The following NDP variants were observed in gnomAD, a reference collection of about 807,000 sequenced individuals.
NDP encodes norrin.
Under a neutral mutation model 8.4 loss-of-function variants are expected in NDP, and 2 were observed. The ratio of observed to expected loss-of-function variants is 0.24; its 90% confidence interval spans 0.10 to 0.75. The LOEUF (loss-of-function observed/expected upper bound fraction) is 0.75. Among genes scored for constraint, NDP ranks in the 30% least tolerant of loss-of-function variants. The pLI is 0.73. For missense variants in NDP, 81 were observed against 110.1 expected (o/e 0.74, Z 1.18); for synonymous variants, 55 against 45.6 (o/e 1.21, Z -0.83).
chrX:43,960,375 T>C (rs771565647), intron 1 of NDP, among the ~76,000 whole-genome samples: 2 of 112,050 alleles, frequency 1.8e-5, no homozygotes, highest in South Asian at 7.5e-4. Flanking sequence ...TTGATAACTA[T>C]GGATTCAGTT....
intron 2 of NDP, among the ~76,000 whole-genome samples, chrX:43,952,532 C>T (rs1245592078): frequency 1.8e-5 from 2 of 112,030 alleles, no homozygotes; most frequent in Non-Finnish European, 3.8e-5. Context: ...GTGAACCAAA[C>T]GTAGGCCTAA....
chrX:43,952,002 A>G (rs1379258281), intron 2 of NDP, among the ~76,000 whole-genome samples: 1 of 111,490 alleles, frequency 9.0e-6, no homozygotes, highest in East Asian at 2.8e-4. Context: ...GTTTTTAGAG[A>G]CAGAGTCTTG....
At chrX:43,962,627 A>T (rs1409745166) in intron 1 of NDP, among the ~76,000 whole-genome samples, 27 of 112,090 alleles carry the variant, frequency 2.4e-4, no homozygotes, top group Non-Finnish European at 5.6e-5. Flanking sequence ...ACGAAGACTT[A>T]GAACCTTGGC....
chrX:43,969,824 G>C (rs2035881989), intron 1 of NDP, among the ~76,000 whole-genome samples: 1 of 111,744 alleles, frequency 8.9e-6, no homozygotes, highest in Non-Finnish European at 1.9e-5. Flanking sequence ...TCAGGCGAAG[G>C]GAAAAGGGGG....
chrX:43,960,011 C>A (rs7054474), intron 1 of NDP, among the ~76,000 whole-genome samples: 1 of 112,027 alleles, frequency 8.9e-6, no homozygotes, highest in Non-Finnish European at 1.9e-5. Flanking sequence ...TTATTTTGCA[C>A]TAATAGAATG....
Position 43,949,577 on chromosome X carries a change from A to G in NDP, c.*222T>C, listed in dbSNP as rs1030222239. 34 of 428,583 alleles carry G rather than the reference A, an allele frequency of 7.9e-5. No individual in the cohort carries two copies. The highest frequency in any genetic ancestry group is 1.2e-4 in the Admixed American group (3 of 24,975). The allele number at this position is 428,583 out of a possible 1,213,427, so 35.3% of individuals were successfully genotyped here. On this transcript the variant is annotated 3_prime_UTR_variant, in exon 3 of 3. Transcript: ENST00000642620. ...AATGCCTGAATCTGAAAATGAACCA[A>G]AAGAAATTGTACCAGAGAAAGGAGA... is the stretch of plus-strand genomic sequence containing the variant.
rs200943077 is a variant in NDP, at chrX:43,954,989, TC to T, written c.174+3482del. 5.0e-4 allele frequency among the ~76,000 whole-genome samples: 55 copies of T among 110,518 alleles called. No homozygotes were observed. The East Asian group carries it at 0.015, about 30-fold the overall frequency. On this transcript the variant is annotated intron_variant, in intron 2 of 2. Coordinates refer to ENST00000642620, the MANE Select transcript of NDP (RefSeq NM_000266.4). Reference sequence around the variant, plus strand: ...CTCCCTGGCCCAAGTCCAAAACTCATCCCCCTCCAGCCCCTCCTTCCTCCAC... The same window carrying T: ...CTCCCTGGCCCAAGTCCAAAACTCATCCCCTCCAGCCCCTCCTTCCTCCAC...
chrX:43,956,206 C>G (rs1300864152), intron 2 of NDP, among the ~76,000 whole-genome samples: 6 of 112,034 alleles, frequency 5.4e-5, no homozygotes, highest in Non-Finnish European at 1.1e-4. Context: ...CAGGTACACT[C>G]CCTTCCCTGA....
chrX:43,964,112 G>A (rs1465046048), intron 1 of NDP, among the ~76,000 whole-genome samples: 1 of 111,618 alleles, frequency 9.0e-6, no homozygotes, highest in Non-Finnish European at 1.9e-5. Flanking sequence ...AGCAATGACC[G>A]TCCCCAGAGT....
chrX:43,962,170 C>T (rs1366796068), intron 1 of NDP, among the ~76,000 whole-genome samples: 1 of 111,036 alleles, frequency 9.0e-6, no homozygotes, highest in Admixed American at 9.6e-5. Flanking sequence ...ATCTTAAATT[C>T]TGAAATAAGA....
chrX:43,956,195 G>A (rs2035791947), intron 2 of NDP, among the ~76,000 whole-genome samples: 1 of 111,965 alleles, frequency 8.9e-6, no homozygotes, highest in African/African-American at 3.2e-5. Flanking sequence ...AGGTGTTCAA[G>A]CAGGTACACT....
chrX:43,959,493 C>T (rs748684667), intron 1 of NDP, among the ~76,000 whole-genome samples: 4 of 112,449 alleles, frequency 3.6e-5, no homozygotes, highest in Admixed American at 2.8e-4. Flanking sequence ...AGGTATCACA[C>T]GCGTATTTGC....
At chrX:43,952,669 C>T (rs1269054079) in intron 2 of NDP, among the ~76,000 whole-genome samples, 4 of 112,100 alleles carry the variant, frequency 3.6e-5, no homozygotes, top group African/African-American at 9.7e-5. Context: ...CCCCAGCCCA[C>T]TCTGAAGGAC....
intron 2 of NDP, among the ~76,000 whole-genome samples, chrX:43,957,538 A>T (rs949915350): frequency 9.0e-6 from 1 of 110,818 alleles, no homozygotes; most frequent in Non-Finnish European, 1.9e-5. Context: ...CAAGGCATAC[A>T]AAAGTCATAA....
intron 2 of NDP, chrX:43,954,541 T>C (rs1264510350): frequency 9.0e-6 from 1 of 111,514 alleles, no homozygotes; most frequent in African/African-American, 3.3e-5. Flanking sequence ...CCACAGCACC[T>C]GGACATGGTA....
chrX:43,953,133 C>A (rs1156653116), intron 2 of NDP, among the ~76,000 whole-genome samples: 1 of 109,886 alleles, frequency 9.1e-6, no homozygotes, highest in Non-Finnish European at 1.9e-5. Flanking sequence ...TCTCAACACA[C>A]ACACACACAC....
intron 1 of NDP, among the ~76,000 whole-genome samples, chrX:43,963,448 C>G (rs960876638): frequency 9.0e-6 from 1 of 111,604 alleles, no homozygotes; most frequent in Non-Finnish European, 1.9e-5. Flanking sequence ...ATATAATGAC[C>G]TTGGAATGGA....
chrX:43,953,955 C>G (rs940763198), intron 2 of NDP, among the ~76,000 whole-genome samples: 1 of 112,637 alleles, frequency 8.9e-6, no homozygotes, highest in South Asian at 3.7e-4. Context: ...TCACCATCCC[C>G]AAGCTTATGC....
rs1201837424 is a variant in NDP, at chrX:43,951,596, T to C, written c.175-1570A>G. Among the ~76,000 whole-genome samples the C allele has an allele frequency of 9.8e-5, 11 of 111,933 alleles. No individual in the cohort carries two copies. The Admixed American group carries it at 1.0e-3, about 11-fold the overall frequency. On this transcript the variant is annotated intron_variant, in intron 2 of 2. Transcript: ENST00000642620. ...TTATTATTAAAGACTCACCAGCTAT[T>C]ATCTCTGACATCATCCTGTAGGGCA... is the stretch of plus-strand genomic sequence containing the variant.
Sources: allele counts gnomAD v4.1 joint callset (sites outside exome capture counted in the v4.1 genomes callset), GRCh38; gene constraint gnomAD v4.1.1; transcripts MANE v1.5; gene names NCBI Gene and HGNC (gene_info 2026-07-23, HGNC 2026-07-21).